The following AGBL4 variants were observed in gnomAD, a reference collection of about 807,000 sequenced individuals.
The protein encoded by AGBL4 is cytosolic carboxypeptidase 6.
Under a neutral mutation model 66.4 loss-of-function variants are expected in AGBL4, and 58 were observed. The ratio of observed to expected loss-of-function variants is 0.87; its 90% CI spans 0.71 to 1.09. The LOEUF (loss-of-function observed/expected upper bound fraction) is 1.09, where lower values mean the gene tolerates loss of function less well. Among genes scored for constraint, AGBL4 ranks in the 50% least tolerant of loss-of-function variants. AGBL4 has a pLI of 0.00. For missense variants in AGBL4, 579 were observed against 631.0 expected, an observed-to-expected ratio of 0.92 and a Z score of 0.88; for synonymous variants, 234 against 222.9, an observed-to-expected ratio of 1.05 and a Z score of -0.44.
chr1:49,956,304 T>C (rs777346563), intron 1 of AGBL4, among the ~76,000 whole-genome samples: 1 of 151,804 alleles, frequency 6.6e-6, no homozygotes, highest in Non-Finnish European at 1.5e-5. Context: ...CAGCTTTCAA[T>C]CTTCTGGGCC....
chr1:49,995,432 G>C, intron 1 of AGBL4: 1 of 383,940 alleles, frequency 2.6e-6, no homozygotes, highest in Non-Finnish European at 5.2e-6. Context: ...TAATCCCCCT[G>C]AGAACACAAC....
At chr1:49,605,526 A>T (rs1331995473) in intron 3 of AGBL4, among the ~76,000 whole-genome samples, 1 of 152,182 alleles carries the variant, frequency 6.6e-6, no homozygotes. Flanking sequence ...GTGGTATAAA[A>T]TATTAAGGTA....
At chr1:48,578,082 G>A (rs1644682211) in intron 11 of AGBL4, among the ~76,000 whole-genome samples, 1 of 152,046 alleles carries the variant, frequency 6.6e-6, no homozygotes, top group Admixed American at 6.6e-5. Flanking sequence ...TATCTCAAAG[G>A]TCCAAATCAA....
chr1:49,528,101 T>C (rs1471678324), intron 3 of AGBL4, among the ~76,000 whole-genome samples: 1 of 151,914 alleles, frequency 6.6e-6, no homozygotes, highest in East Asian at 1.9e-4. Context: ...AAGTATGACG[T>C]TTGGGATTTG....
chr1:49,364,895 G>A (rs574852246), intron 3 of AGBL4, among the ~76,000 whole-genome samples: 20 of 152,254 alleles, frequency 1.3e-4, no homozygotes, highest in African/African-American at 4.3e-4. Context: ...CCAGTAACGT[G>A]ACACCATCCC....
chr1:49,063,830 G>A (rs1644445208), intron 4 of AGBL4, among the ~76,000 whole-genome samples: 1 of 152,188 alleles, frequency 6.6e-6, no homozygotes, highest in Non-Finnish European at 1.5e-5. Context: ...AATAGCAAGT[G>A]CCATTGATGT....
At chr1:49,156,939 T>A (rs1421241593) in intron 4 of AGBL4, among the ~76,000 whole-genome samples, 1 of 152,140 alleles carries the variant, frequency 6.6e-6, no homozygotes, top group East Asian at 1.9e-4. Context: ...CAGGCAAACA[T>A]ACTTTGGAAC....
At chr1:49,472,763 A>G (rs1646770315) in intron 3 of AGBL4, among the ~76,000 whole-genome samples, 1 of 151,928 alleles carries the variant, frequency 6.6e-6, no homozygotes, top group Admixed American at 6.6e-5. Context: ...CAATTCTGTC[A>G]CCCAAGTAGT....
intron 6 of AGBL4, among the ~76,000 whole-genome samples, chr1:48,774,256 A>G (rs1644971059): frequency 6.6e-6 from 1 of 152,204 alleles, no homozygotes; most frequent in Non-Finnish European, 1.5e-5. Flanking sequence ...TGGTATTTAC[A>G]TATAGGAGAT....
intron 4 of AGBL4, among the ~76,000 whole-genome samples, chr1:49,084,330 G>A (rs952179547): frequency 1.3e-5 from 2 of 152,100 alleles, no homozygotes; most frequent in African/African-American, 4.8e-5. Context: ...CACTCTCATG[G>A]TGCTAATAAA....
intron 5 of AGBL4, among the ~76,000 whole-genome samples, chr1:48,876,512 C>T (rs1417124320): frequency 5.9e-5 from 9 of 152,074 alleles, no homozygotes; most frequent in Admixed American, 2.0e-4. Context: ...TGGGGACCTG[C>T]AAGAAGAGAC....
intron 1 of AGBL4, among the ~76,000 whole-genome samples, chr1:49,905,466 C>T (rs1386269951): frequency 1.3e-5 from 2 of 152,120 alleles, no homozygotes; most frequent in African/African-American, 2.4e-5. Context: ...TCCCTTGGTC[C>T]AGGATGGTTC....
intron 3 of AGBL4, among the ~76,000 whole-genome samples, chr1:49,477,513 G>T (rs1646870653): frequency 6.6e-6 from 1 of 152,106 alleles, no homozygotes; most frequent in Non-Finnish European, 1.5e-5. Context: ...AGCATTACTA[G>T]GCTTGGGGTG....
chr1:49,545,851 G>C (rs1324600189), intron 3 of AGBL4, among the ~76,000 whole-genome samples: 2 of 152,072 alleles, frequency 1.3e-5, no homozygotes, highest in African/African-American at 2.4e-5. Flanking sequence ...CACAAATCAA[G>C]ATATATTAGA....
chr1:49,372,793 C>T (rs1644393506), intron 3 of AGBL4, among the ~76,000 whole-genome samples: 1 of 150,872 alleles, frequency 6.6e-6, no homozygotes, highest in Non-Finnish European at 1.5e-5. Context: ...TGGTTTCCCT[C>T]TATTTCCTAG....
intron 6 of AGBL4, among the ~76,000 whole-genome samples, chr1:48,751,750 C>T (rs1161939937): frequency 6.6e-6 from 1 of 152,180 alleles, no homozygotes; most frequent in East Asian, 1.9e-4. Flanking sequence ...TAACAACTTC[C>T]TCTGGATGTT....
At chr1:48,895,768 C>A (rs1351331477) in intron 5 of AGBL4, among the ~76,000 whole-genome samples, 1 of 152,128 alleles carries the variant, frequency 6.6e-6, no homozygotes, top group Non-Finnish European at 1.5e-5. Context: ...CTCAGAAGAG[C>A]TCATCCATTC....
chr1:48,607,437 A>C (rs1388539988), intron 9 of AGBL4, among the ~76,000 whole-genome samples: 1 of 152,034 alleles, frequency 6.6e-6, no homozygotes, highest in Non-Finnish European at 1.5e-5. Context: ...GCCCATCATG[A>C]TGAAATCCCA....
chr1:49,533,395 T>G (rs1651300146), intron 3 of AGBL4, among the ~76,000 whole-genome samples: 1 of 152,146 alleles, frequency 6.6e-6, no homozygotes, highest in Non-Finnish European at 1.5e-5. Context: ...ATTCTTCACC[T>G]CAAGTCAAAA....
Sources: gnomAD v4.1 joint callset for allele counts (sites outside exome capture counted in the v4.1 genomes callset) on GRCh38, gnomAD v4.1.1 for gene constraint, MANE v1.5 for transcripts, NCBI Gene and HGNC (gene_info 2026-07-23, HGNC 2026-07-21) for gene names.